SKAP2: variants seen among roughly 807,000 people sequenced by gnomAD.
SKAP2 encodes the protein src kinase-associated phosphoprotein 2.
In SKAP2, 28 loss-of-function variants were observed where a neutral mutation model predicts 54.9. That is an observed-to-expected ratio of 0.51 (90% CI 0.38 to 0.70). The LOEUF is 0.70. Ranked by LOEUF, SKAP2 falls within the 30% of genes least tolerant of loss-of-function variation. The pLI is 0.00. For synonymous variants in SKAP2, 137 were observed against 134.3 expected (o/e 1.02, Z -0.14); for missense variants, 356 against 424.1 (o/e 0.84, Z 1.41).
chr7:26,702,485 A>G (rs762701583), intron 9 of SKAP2, among the ~76,000 whole-genome samples: 1 of 152,098 alleles, frequency 6.6e-6, no homozygotes, highest in African/African-American at 2.4e-5. Flanking sequence ...TATGATGATA[A>G]TGATTGTTTA....
chr7:26,717,046 G>A (rs1378926244), intron 9 of SKAP2, among the ~76,000 whole-genome samples: 2 of 152,118 alleles, frequency 1.3e-5, no homozygotes, highest in South Asian at 2.1e-4. Flanking sequence ...CACATATAAC[G>A]GGCAGAGCTG....
intron 9 of SKAP2, among the ~76,000 whole-genome samples, chr7:26,709,216 T>C (rs1271891716): frequency 6.6e-6 from 1 of 152,098 alleles, no homozygotes; most frequent in Non-Finnish European, 1.5e-5. Context: ...AACTGAGAAG[T>C]AAGGTAGTTT....
intron 9 of SKAP2, among the ~76,000 whole-genome samples, chr7:26,710,810 G>T (rs1248297842): frequency 6.6e-6 from 1 of 152,070 alleles, no homozygotes; most frequent in Non-Finnish European, 1.5e-5. Flanking sequence ...CCCACTAAAT[G>T]AAAAATTATT....
At chr7:26,732,062 C>T (rs780402314) in intron 6 of SKAP2, among the ~76,000 whole-genome samples, 1 of 152,188 alleles carries the variant, frequency 6.6e-6, no homozygotes, top group Non-Finnish European at 1.5e-5. Flanking sequence ...AGCATCCATG[C>T]ATCTTTCCTA....
At chr7:26,751,981 A>G (rs1782695820) in intron 4 of SKAP2, among the ~76,000 whole-genome samples, 1 of 152,128 alleles carries the variant, frequency 6.6e-6, no homozygotes, top group South Asian at 2.1e-4. Context: ...GAAAAATGTT[A>G]ATGTTAGGAG....
intron 4 of SKAP2, chr7:26,742,426 T>G (rs1256049509): frequency 6.6e-6 from 1 of 151,768 alleles, no homozygotes; most frequent in South Asian, 2.1e-4. Flanking sequence ...GGAGAGGAAG[T>G]GGGGGAAAAG....
At chr7:26,700,567 C>T (rs560121452) in intron 9 of SKAP2, among the ~76,000 whole-genome samples, 16 of 152,302 alleles carry the variant, frequency 1.1e-4, no homozygotes, top group Middle Eastern at 3.4e-3. Context: ...GGTTATAGGG[C>T]CTCCCAGAGA....
chr7:26,738,921 A>G (rs1229470558), intron 5 of SKAP2, 43 bp from the exon 6 acceptor site: 1 of 1,112,588 alleles, frequency 9.0e-7, no homozygotes, highest in Non-Finnish European at 1.4e-6. Context: ...TCCTTACTGT[A>G]AAAGAAAAAG....
downstream of SKAP2, among the ~76,000 whole-genome samples, chr7:26,665,992 T>TAC (rs57804557): frequency 0.14 from 21,396 of 149,668 alleles, 2,267 homozygotes; most frequent in African/African-American, 0.3. Context: ...ATATACAGTG[T>TAC]ACACACACAC....
intron 11 of SKAP2, among the ~76,000 whole-genome samples, chr7:26,676,881 G>A (rs1163680851): frequency 6.6e-6 from 1 of 152,198 alleles, no homozygotes; most frequent in Non-Finnish European, 1.5e-5. Flanking sequence ...ACTCCAGAAG[G>A]AATAATGAAA....
intron 4 of SKAP2, among the ~76,000 whole-genome samples, chr7:26,781,694 A>G (rs1783427582): frequency 6.6e-6 from 1 of 152,174 alleles, no homozygotes; most frequent in South Asian, 2.1e-4. Flanking sequence ...ACAATTTTTG[A>G]TACCTCCCTT....
At chr7:26,758,119 A>G (rs893142812) in intron 4 of SKAP2, among the ~76,000 whole-genome samples, 1 of 152,138 alleles carries the variant, frequency 6.6e-6, no homozygotes, top group African/African-American at 2.4e-5. Context: ...TCTAGCACAT[A>G]TATGTATTCT....
downstream of SKAP2, among the ~76,000 whole-genome samples, chr7:26,664,917 G>A (rs1442547978): frequency 2.0e-5 from 3 of 152,018 alleles, no homozygotes; most frequent in African/African-American, 7.3e-5. Flanking sequence ...ACTGAGCAGT[G>A]GTATGACTAA....
chr7:26,800,614 A>G (rs1051668341), intron 4 of SKAP2, among the ~76,000 whole-genome samples: 1 of 152,202 alleles, frequency 6.6e-6, no homozygotes, highest in Non-Finnish European at 1.5e-5. Flanking sequence ...TAGCCACACT[A>G]AGAAAAAGAG....
chr7:26,712,206 T>C (rs1035825168), intron 9 of SKAP2, among the ~76,000 whole-genome samples: 3 of 152,184 alleles, frequency 2.0e-5, no homozygotes, highest in Admixed American at 2.0e-4. Flanking sequence ...ATCCCTAATC[T>C]GAAAATCTGA....
intron 4 of SKAP2, among the ~76,000 whole-genome samples, chr7:26,759,529 G>A (rs888813072): frequency 6.6e-6 from 1 of 152,064 alleles, no homozygotes; most frequent in African/African-American, 2.4e-5. Context: ...ATCTCCACAT[G>A]CTAAACATGA....
chr7:26,835,402 A>C (rs1784686505), intron 4 of SKAP2, among the ~76,000 whole-genome samples: 1 of 152,164 alleles, frequency 6.6e-6, no homozygotes, highest in African/African-American at 2.4e-5. Flanking sequence ...GAGGGAGACA[A>C]ATTGTCTGTT....
At chr7:26,724,751 G>A (rs1381462815) in intron 9 of SKAP2, among the ~76,000 whole-genome samples, 1 of 151,974 alleles carries the variant, frequency 6.6e-6, no homozygotes, top group Non-Finnish European at 1.5e-5. Context: ...AATTTCAGAT[G>A]TCTTTTTATT....
chr7:26,657,604 A>G, the SKAP2 span, among the ~76,000 whole-genome samples: 2 of 152,092 alleles, frequency 1.3e-5, no homozygotes, highest in African/African-American at 4.8e-5. Flanking sequence ...AATTTATTGC[A>G]CTGCAGTCTC....
Sources: gnomAD v4.1 joint callset for allele counts (sites outside exome capture counted in the v4.1 genomes callset) on GRCh38, gnomAD v4.1.1 for gene constraint, MANE v1.5 for transcripts, NCBI Gene and HGNC (gene_info 2026-07-23, HGNC 2026-07-21) for gene names.